The following RANBP2 variants were observed in gnomAD, a reference collection of about 807,000 sequenced individuals.
RANBP2 encodes E3 SUMO-protein ligase RanBP2.
In RANBP2, 57 loss-of-function variants were observed where a neutral mutation model predicts 303.6. That is an observed-to-expected ratio of 0.19 (90% CI 0.15 to 0.23). RANBP2 has a LOEUF of 0.23. Ranked by LOEUF, RANBP2 falls within the 10% of genes least tolerant of loss-of-function variation. The probability of loss-of-function intolerance (pLI) is 1.00; values close to 1 mark genes in which losing one functional copy is unlikely to be tolerated. For missense variants in RANBP2, 3,138 were observed against 3,780.8 expected (o/e 0.83, Z 4.46); for synonymous variants, 1,167 against 1,301.5 (o/e 0.90, Z 2.23).
At chr2:109,109,946 G>C in the RANBP2 span, among the ~76,000 whole-genome samples, 1 of 151,976 alleles carries the variant, frequency 6.6e-6, no homozygotes, top group Non-Finnish European at 1.5e-5. Context: ...CCTTTCCCTT[G>C]GTTCTGTGCT....
At chr2:109,571,642 A>T in the RANBP2 span, among the ~76,000 whole-genome samples, 1 of 152,228 alleles carries the variant, frequency 6.6e-6, no homozygotes, top group Non-Finnish European at 1.5e-5. Context: ...TGCTGACTAA[A>T]ATGTAGTTTT....
the RANBP2 span, among the ~76,000 whole-genome samples, chr2:109,055,787 G>A: frequency 1.6e-4 from 21 of 131,786 alleles, no homozygotes; most frequent in African/African-American, 5.5e-4. Flanking sequence ...TTTGAGATGA[G>A]TCTCACTCTG....
chr2:109,160,720 T>A, the RANBP2 span, among the ~76,000 whole-genome samples: 1 of 152,182 alleles, frequency 6.6e-6, no homozygotes, highest in South Asian at 2.1e-4. Flanking sequence ...AGCCTGTCCC[T>A]GCTCCTACTC....
the RANBP2 span, among the ~76,000 whole-genome samples, chr2:109,520,120 T>C: frequency 0.36 from 54,988 of 152,128 alleles, 11,639 homozygotes; most frequent in Middle Eastern, 0.56. Flanking sequence ...CTACGTGTAG[T>C]TTTGCTAGAT....
At chr2:108,919,301 G>A in the RANBP2 span, among the ~76,000 whole-genome samples, 1 of 152,228 alleles carries the variant, frequency 6.6e-6, no homozygotes, top group East Asian at 1.9e-4. Flanking sequence ...CGTCACTGAT[G>A]ATAAGAAAAC....
chr2:109,198,600 G>A, the RANBP2 span, among the ~76,000 whole-genome samples: 1 of 152,202 alleles, frequency 6.6e-6, no homozygotes, highest in African/African-American at 2.4e-5. Flanking sequence ...GCTTCCAGCA[G>A]GTCTCATTCC....
At chr2:108,812,078 G>A in the RANBP2 span, among the ~76,000 whole-genome samples, 1 of 152,050 alleles carries the variant, frequency 6.6e-6, no homozygotes, top group Non-Finnish European at 1.5e-5. Flanking sequence ...AAAGAGAGAT[G>A]TGCAAGACAT....
chr2:109,623,314 G>A, the RANBP2 span, among the ~76,000 whole-genome samples: 7 of 152,146 alleles, frequency 4.6e-5, no homozygotes, highest in Admixed American at 3.9e-4. Context: ...CTGTGCCCCT[G>A]CATGTCCCTC....
chr2:109,432,731 G>T, the RANBP2 span: 1 of 1,548,570 alleles, frequency 6.5e-7, no homozygotes, highest in African/African-American at 1.4e-5. Flanking sequence ...ACGCCTTACC[G>T]CTGTTGTTAC....
the RANBP2 span, among the ~76,000 whole-genome samples, chr2:108,860,922 A>T: frequency 8.6e-6 from 1 of 116,602 alleles, no homozygotes; most frequent in East Asian, 2.9e-4. Flanking sequence ...CTGTGAATCC[A>T]TCTGGTCCAG....
At chr2:109,156,299 T>C in the RANBP2 span, among the ~76,000 whole-genome samples, 3 of 152,220 alleles carry the variant, frequency 2.0e-5, no homozygotes, top group Non-Finnish European at 2.9e-5. Flanking sequence ...TCTTCAGTGT[T>C]TTCTCCGCCC....
chr2:108,962,136 C>T, the RANBP2 span, among the ~76,000 whole-genome samples: 63 of 152,304 alleles, frequency 4.1e-4, no homozygotes, highest in South Asian at 8.7e-3. Context: ...TAGCATGTGG[C>T]GCCCTGTCTA....
chr2:109,521,711 C>T, the RANBP2 span, among the ~76,000 whole-genome samples: 4 of 152,294 alleles, frequency 2.6e-5, no homozygotes, highest in South Asian at 2.1e-4. Flanking sequence ...GCCTGCTTTC[C>T]AACAGAAAGA....
Position 108,729,717 on chromosome 2 carries a change from C to CT in RANBP2, c.140+535dup, listed in dbSNP as rs34977300. 4.1e-3 allele frequency among the ~76,000 whole-genome samples: 552 copies of CT among 135,214 alleles called. 1 individual carries two copies. Among genetic ancestry groups the CT allele is most frequent in the Middle Eastern group, 0.012 (3 of 260 alleles). 88.7% of individuals were successfully genotyped at this position (135,214 alleles called of 152,430 possible). ...AGCAGGAAATTAAGAGGGAGTCAGG[C>CT]TTTTTTTTTTTTTTTTTAGGCAGTA... On this transcript the variant is annotated intron_variant, in intron 2 of 28. Coordinates refer to ENST00000283195, the MANE Select transcript of RANBP2 (RefSeq NM_006267.5).
the RANBP2 span, among the ~76,000 whole-genome samples, chr2:109,761,079 G>T: frequency 1.4e-5 from 2 of 142,844 alleles, no homozygotes; most frequent in African/African-American, 5.2e-5. Context: ...TTTGAAGACT[G>T]CGTCACTAAT....
the RANBP2 span, among the ~76,000 whole-genome samples, chr2:108,966,647 C>G: frequency 6.6e-6 from 1 of 152,230 alleles, no homozygotes; most frequent in Admixed American, 6.5e-5. Flanking sequence ...TTCAGGAACA[C>G]TACTGTGTTT....
At chr2:109,018,661 C>T in the RANBP2 span, among the ~76,000 whole-genome samples, 1 of 152,236 alleles carries the variant, frequency 6.6e-6, no homozygotes, top group Non-Finnish European at 1.5e-5. Context: ...GCCCTTAGCA[C>T]GTCCTTTCCC....
the RANBP2 span, chr2:108,857,017 C>A: frequency 1.4e-6 from 1 of 699,162 alleles, no homozygotes. Flanking sequence ...GATGATTTTT[C>A]TGTCTTTATC....
chr2:108,738,291 G>A (rs528702201), intron 6 of RANBP2, among the ~76,000 whole-genome samples: 3 of 151,542 alleles, frequency 2.0e-5, no homozygotes, highest in African/African-American at 7.3e-5. Flanking sequence ...TAGCCAGGAT[G>A]GTCTTGATCT....
Sources: gnomAD v4.1 joint callset for allele counts (sites outside exome capture counted in the v4.1 genomes callset) on GRCh38, gnomAD v4.1.1 for gene constraint, MANE v1.5 for transcripts, NCBI Gene and HGNC (gene_info 2026-07-23, HGNC 2026-07-21) for gene names.